NXPH1: variants seen among roughly 807,000 people sequenced by gnomAD.
NXPH1 encodes neurexophilin 1.
Under a neutral mutation model 23.7 loss-of-function variants are expected in NXPH1, and 5 were observed. The ratio of observed to expected loss-of-function variants is 0.21; its 90% confidence interval spans 0.11 to 0.44. The LOEUF is 0.44. Ranked by LOEUF, NXPH1 falls within the 20% of genes least tolerant of loss-of-function variation. The probability of loss-of-function intolerance (pLI) is 0.99; values close to 1 mark genes in which losing one functional copy is unlikely to be tolerated. For missense variants in NXPH1, 324 were observed against 321.6 expected (o/e 1.01, Z -0.06); for synonymous variants, 144 against 122.2 (o/e 1.18, Z -1.18).
chr7:8,714,118 C>G (rs932931278), intron 2 of NXPH1, among the ~76,000 whole-genome samples: 1 of 152,200 alleles, frequency 6.6e-6, no homozygotes, highest in African/African-American at 2.4e-5. Context: ...GTGCCCTAAA[C>G]TACTGCAGCT....
chr7:8,716,012 T>A, intron 2 of NXPH1, among the ~76,000 whole-genome samples: 1 of 152,126 alleles, frequency 6.6e-6, no homozygotes, highest in Non-Finnish European at 1.5e-5. Flanking sequence ...TATGTATATT[T>A]ACAATGGTGG....
chr7:8,592,036 G>C (rs1278960991), intron 2 of NXPH1, among the ~76,000 whole-genome samples: 1 of 151,826 alleles, frequency 6.6e-6, no homozygotes, highest in Non-Finnish European at 1.5e-5. Flanking sequence ...TCTTCTCTTG[G>C]AGTTAAGGGA....
chr7:8,618,986 T>G (rs1448717559), intron 2 of NXPH1, among the ~76,000 whole-genome samples: 1 of 152,138 alleles, frequency 6.6e-6, no homozygotes, highest in African/African-American at 2.4e-5. Flanking sequence ...ATCTTTTCAG[T>G]TTGTGTGTTA....
intron 2 of NXPH1, among the ~76,000 whole-genome samples, chr7:8,696,856 AAGTG>A (rs1274207084): frequency 6.7e-6 from 1 of 150,294 alleles, no homozygotes; most frequent in African/African-American, 2.5e-5. Flanking sequence ...AAAAAAAAAA[AAGTG>A]AGGCCGGGCA....
At chr7:8,679,513 C>T (rs776575073) in intron 2 of NXPH1, among the ~76,000 whole-genome samples, 1 of 152,150 alleles carries the variant, frequency 6.6e-6, no homozygotes, top group Non-Finnish European at 1.5e-5. Context: ...ACACTCTAAT[C>T]ATAGCAGGTT....
At chr7:8,651,202 A>C (rs1468416263) in intron 2 of NXPH1, among the ~76,000 whole-genome samples, 2 of 111,628 alleles carry the variant, frequency 1.8e-5, no homozygotes, top group East Asian at 7.6e-4. Flanking sequence ...AATCCCACCT[A>C]TGAGTGAGAA....
intron 2 of NXPH1, among the ~76,000 whole-genome samples, chr7:8,602,865 G>C (rs1406054843): frequency 1.3e-5 from 2 of 151,938 alleles, no homozygotes; most frequent in African/African-American, 4.8e-5. Context: ...GAGTCTCACT[G>C]TTGCCCAGGC....
chr7:8,548,681 T>C lies in NXPH1; in HGVS notation c.54+112914T>C, dbSNP rs1053620389. ...GCCTGATTTATGGAGTTGGCATTCCTGAGTTCTTAACACAGCTTTGCTGCT... is the reference window on the plus strand; with the variant it reads ...GCCTGATTTATGGAGTTGGCATTCCCGAGTTCTTAACACAGCTTTGCTGCT... On this transcript the variant is annotated intron_variant, in intron 2 of 2. Transcript: ENST00000405863. Among the ~76,000 whole-genome samples, 6 of 151,666 alleles carry C rather than the reference T, an allele frequency of 4.0e-5. No individual in the cohort carries two copies. The East Asian group carries it at 9.8e-4, about 25-fold the overall frequency.
intron 2 of NXPH1, among the ~76,000 whole-genome samples, chr7:8,539,115 C>A (rs1439051531): frequency 6.6e-6 from 1 of 151,716 alleles, no homozygotes; most frequent in Non-Finnish European, 1.5e-5. Context: ...ACCTATGTAA[C>A]CATAAATTGC....
At chr7:8,721,117 G>A (rs1180600532) in intron 2 of NXPH1, among the ~76,000 whole-genome samples, 1 of 152,138 alleles carries the variant, frequency 6.6e-6, no homozygotes, top group African/African-American at 2.4e-5. Context: ...GATTTTGATA[G>A]TTCTACTGTG....
intron 2 of NXPH1, among the ~76,000 whole-genome samples, chr7:8,699,707 A>C (rs1429603606): frequency 6.6e-6 from 1 of 152,148 alleles, no homozygotes; most frequent in Non-Finnish European, 1.5e-5. Flanking sequence ...AGTTAAAATA[A>C]TCTGTCTTCC....
In NXPH1 at chr7:8,751,268, G is replaced by C; in HGVS notation, c.315G>C (p.Lys105Asn). The stretch of plus-strand genomic sequence containing the variant: ...TTCAAGAGCCTCGGCCCAGGGCCAA[G>C]AGAAGGCCCATTGTTAAAACGGGCA... ...TDLQEPRPRA[K>N]RRPIVKTGKF... is the part of the protein sequence containing the mutation. The change falls in exon 3 of 3, where the codon AAG becomes AAC. Residue 105 changes from lysine (K) to asparagine (N), a missense_variant. Physicochemically the swap from Lys to Asn is moderately conservative, Grantham distance 94 (BLOSUM62 0). Transcript: ENST00000405863. This position sits in a 1 kb window ranked among gnomAD's most constrained non-coding sequence, Gnocchi z 4.5. 1 of 1,613,956 alleles carries C rather than the reference G, an allele frequency of 6.2e-7. No individual in the cohort carries two copies. Among genetic ancestry groups the C allele is most frequent in the Non-Finnish European group, 8.5e-7 (1 of 1,179,856 alleles).
At chr7:8,507,601 T>C (rs1377461710) in intron 2 of NXPH1, among the ~76,000 whole-genome samples, 1 of 152,144 alleles carries the variant, frequency 6.6e-6, no homozygotes, top group Non-Finnish European at 1.5e-5. Flanking sequence ...CCGTATTACA[T>C]AGGTGCACAT....
In NXPH1 at chr7:8,544,781, T is replaced by C. The variant is rs189161181; in HGVS notation, c.54+109014T>C. Among the ~76,000 whole-genome samples, 3 of 151,666 alleles carry C rather than the reference T, an allele frequency of 2.0e-5. No individual in the cohort carries two copies. The East Asian group carries it at 5.8e-4, about 30-fold the overall frequency. On this transcript the variant is annotated intron_variant, in intron 2 of 2. Transcript: ENST00000405863. ...TTTACAAACCAACATATATCTATTC[T>C]AGACATGAAGCATTTGTTTTGCAGA...
chr7:8,593,297 T>C (rs1819143136), intron 2 of NXPH1, among the ~76,000 whole-genome samples: 1 of 151,942 alleles, frequency 6.6e-6, no homozygotes. Flanking sequence ...ACTGTAGATT[T>C]TTGGGAATAC....
chr7:8,719,540 G>C (rs537814170), intron 2 of NXPH1, among the ~76,000 whole-genome samples: 1 of 152,130 alleles, frequency 6.6e-6, no homozygotes, highest in Non-Finnish European at 1.5e-5. Flanking sequence ...CTAAAAGTAG[G>C]ATTATTAATG....
chr7:8,716,948 A>G (rs1194343185), intron 2 of NXPH1, among the ~76,000 whole-genome samples: 1 of 152,194 alleles, frequency 6.6e-6, no homozygotes, highest in African/African-American at 2.4e-5. Flanking sequence ...TGATTAGTAC[A>G]GCAGTGAGGC....
intron 2 of NXPH1, among the ~76,000 whole-genome samples, chr7:8,572,462 C>T (rs75903451): frequency 0.017 from 2,520 of 151,982 alleles, 76 homozygotes; most frequent in African/African-American, 0.057. Flanking sequence ...ATTTTTTAAA[C>T]CCTGCATACG....
chr7:8,683,522 G>A lies in NXPH1; in HGVS notation c.55-67486G>A, dbSNP rs186323035. Among the ~76,000 whole-genome samples, 200 of 152,260 alleles carry A rather than the reference G, an allele frequency of 1.3e-3. 1 individual carries two copies. The highest frequency in any genetic ancestry group is 4.1e-3 in the Admixed American group (63 of 15,292). On this transcript the variant is annotated intron_variant, in intron 2 of 2. Coordinates refer to ENST00000405863, the MANE Select transcript of NXPH1 (RefSeq NM_152745.3). ...GATTACTGCAGTACTACAGTGGTTGGTTGGCAGAAAATGATTCAGCCCAGT... is the reference window on the plus strand; with the variant it reads ...GATTACTGCAGTACTACAGTGGTTGATTGGCAGAAAATGATTCAGCCCAGT...
Sources: allele counts gnomAD v4.1 joint callset (sites outside exome capture counted in the v4.1 genomes callset), GRCh38; gene constraint gnomAD v4.1.1; non-coding constraint Gnocchi (gnomAD v3.1); transcripts MANE v1.5; gene names NCBI Gene and HGNC (gene_info 2026-07-23, HGNC 2026-07-21).